Variants in UBA6 observed in about 807,000 individuals in gnomAD.
UBA6 encodes the protein ubiquitin like modifier activating enzyme 6.
In UBA6, 87 loss-of-function variants were observed where a neutral mutation model predicts 148.3. The ratio of observed to expected loss-of-function variants is 0.59; its 90% CI spans 0.49 to 0.70. The LOEUF (loss-of-function observed/expected upper bound fraction) is 0.70. Ranked by LOEUF, UBA6 falls within the 30% of genes least tolerant of loss-of-function variation. UBA6 has a pLI of 0.00. For synonymous variants in UBA6, 376 were observed against 401.0 expected (o/e 0.94, Z 0.75); for missense variants, 1,186 against 1,241.2 (o/e 0.96, Z 0.67).
intron 30 of UBA6, 76 bp from the exon 31 acceptor site, chr4:67,623,298 C>T (rs1030015885): frequency 9.0e-5 from 90 of 1,001,218 alleles, no homozygotes; most frequent in Non-Finnish European, 1.2e-4. Flanking sequence ...ACAAAAAAAA[C>T]CCACTTTCAG....
chr4:67,625,087 G>A lies in UBA6; in HGVS notation c.2619C>T (p.Tyr873=), dbSNP rs1577787856. ...TGAAACGGTCAGCTGGTTCAATGCT[G>A]TACATTTTGGCACGAAGATTTGATG... ...TAASNLRAKM[Y]SIEPADRFKT... The change falls in exon 29 of 33, where the codon TAC becomes TAT. Residue 873 remains tyrosine, a synonymous_variant. Coordinates refer to ENST00000322244, the MANE Select transcript of UBA6 (RefSeq NM_018227.6). 1 of 1,613,414 alleles carries A rather than the reference G, an allele frequency of 6.2e-7. No individual in the cohort carries two copies. Among genetic ancestry groups the A allele is most frequent in the Non-Finnish European group, 8.5e-7 (1 of 1,179,516 alleles).
At chr4:67,637,850 C>G (rs1335925207) in intron 19 of UBA6, among the ~76,000 whole-genome samples, 1 of 151,922 alleles carries the variant, frequency 6.6e-6, no homozygotes, top group Admixed American at 6.6e-5. Context: ...CCTTTGTTCA[C>G]TTGTTTATCT....
rs958372500 is a variant in UBA6, at chr4:67,617,439, C to A, written c.*1558G>T. ...AGGATATGTGAACAAAATTTAATTT[C>A]TTTTTTCCAAAGGTAGTCATTTTCT... On this transcript the variant is annotated 3_prime_UTR_variant, in exon 33 of 33. Transcript: ENST00000322244. 1 of 151,984 alleles carries A rather than the reference C, an allele frequency of 6.6e-6. No homozygotes were observed. Among genetic ancestry groups the A allele is most frequent in the Non-Finnish European group, 1.5e-5 (1 of 67,904 alleles). The allele number at this position is 151,984 out of a possible 1,614,324, so 9.4% of individuals were successfully genotyped here.
chr4:67,664,934 C>T (rs1263182467), intron 10 of UBA6, among the ~76,000 whole-genome samples: 5 of 152,006 alleles, frequency 3.3e-5, no homozygotes, highest in African/African-American at 1.2e-4. Flanking sequence ...TTCGGGTATA[C>T]CCATTTAGCT....
intron 17 of UBA6, 80 bp downstream of exon 17, chr4:67,644,618 A>G: frequency 1.3e-6 from 1 of 786,310 alleles, no homozygotes; most frequent in Non-Finnish European, 2.2e-6. Context: ...CTGATACTTC[A>G]GATTTATGCA....
intron 17 of UBA6, among the ~76,000 whole-genome samples, chr4:67,643,228 T>A (rs1729348311): frequency 6.6e-6 from 1 of 151,878 alleles, no homozygotes; most frequent in Non-Finnish European, 1.5e-5. Flanking sequence ...TTAAAAAAAA[T>A]TCTATTATTG....
rs1162825058 is a variant in UBA6 at position 67,617,185 on chromosome 4, G to T, written c.*1812C>A. 5 of 152,064 alleles carry T rather than the reference G, an allele frequency of 3.3e-5. No homozygotes were observed. Among genetic ancestry groups the T allele is most frequent in the Non-Finnish European group, 5.9e-5 (4 of 67,954 alleles). 9.4% of individuals were successfully genotyped at this position (152,064 alleles called of 1,614,324 possible). On this transcript the variant is annotated 3_prime_UTR_variant, in exon 33 of 33. Transcript: ENST00000322244. ...CGAGACTTCAATAAAATATAAGCAA[G>T]TTACTGGATCATATTTATGGACTGC...
intron 13 of UBA6, among the ~76,000 whole-genome samples, chr4:67,661,048 C>T (rs1456212226): frequency 1.3e-5 from 2 of 152,152 alleles, no homozygotes; most frequent in African/African-American, 4.8e-5. Flanking sequence ...AAGCATTTAT[C>T]TAATGTCTGT....
intron 7 of UBA6, among the ~76,000 whole-genome samples, chr4:67,673,091 A>C (rs938046180): frequency 6.6e-6 from 1 of 152,198 alleles, no homozygotes; most frequent in Admixed American, 6.5e-5. Context: ...AACTGTCTCC[A>C]ATACATAGAT....
rs763483666 is a variant in UBA6, at chr4:67,629,151, A to T, written c.2329-9T>A. ...GCATCTGCTGATAAGTCCTGTTTTT[A>T]AAAAAGTAATTTTACCAACAAACAT... is the stretch of plus-strand genomic sequence containing the variant. On this transcript the variant is annotated splice_polypyrimidine_tract_variant and intron_variant, in intron 26 of 32. Coordinates refer to ENST00000322244, the MANE Select transcript of UBA6 (RefSeq NM_018227.6). 6.3e-7 allele frequency: 1 copy of T among 1,583,442 alleles called. No homozygotes were observed. The highest frequency in any genetic ancestry group is 1.7e-5 in the Admixed American group (1 of 59,722).
chr4:67,696,626 G>A lies in UBA6; in HGVS notation c.134+19C>T. Reference sequence around the variant, plus strand: ...CAATTAATGGGGAAAATAAGTTTCAGTTTCTATGAGATTCTTACCTATACA... The same window carrying A: ...CAATTAATGGGGAAAATAAGTTTCAATTTCTATGAGATTCTTACCTATACA... On this transcript the variant is annotated intron_variant, in intron 2 of 32. Coordinates refer to ENST00000322244, the MANE Select transcript of UBA6 (RefSeq NM_018227.6). The A allele has an allele frequency of 6.4e-7, 1 of 1,573,064 alleles. No homozygotes were observed. Among genetic ancestry groups the A allele is most frequent in the East Asian group, 2.3e-5 (1 of 44,140 alleles).
intron 14 of UBA6, among the ~76,000 whole-genome samples, chr4:67,647,887 C>T (rs981840184): frequency 1.7e-4 from 26 of 151,058 alleles, no homozygotes; most frequent in African/African-American, 5.8e-4. Flanking sequence ...GATTCTCCTG[C>T]CTCAGCCTCC....
At chr4:67,673,086 T>C (rs537544750) in intron 7 of UBA6, among the ~76,000 whole-genome samples, 148 of 152,266 alleles carry the variant, frequency 9.7e-4, no homozygotes, top group African/African-American at 3.4e-3. Context: ...GCTATAACTG[T>C]CTCCAATACA....
intron 6 of UBA6, 112 bp from the exon 7 acceptor site, chr4:67,673,889 C>T: frequency 1.7e-6 from 1 of 583,632 alleles, no homozygotes; most frequent in Non-Finnish European, 2.9e-6. Context: ...TCGCTAATCT[C>T]ATTGAAAAGT....
At position 67,672,289 on chromosome 4, in the gene UBA6, T is replaced by C. The variant is rs148582791; in HGVS notation, c.546+1408A>G. Among the ~76,000 whole-genome samples the C allele has an allele frequency of 7.2e-5, 11 of 152,316 alleles. No homozygotes were observed. The East Asian group carries it at 1.9e-3, about 27-fold the overall frequency. ...GAGAGAAATTTAAATCACAAGAATA[T>C]ACATATTCCATTGTCAGAGCAAGGA... On this transcript the variant is annotated intron_variant, in intron 7 of 32. Coordinates refer to ENST00000322244, the MANE Select transcript of UBA6 (RefSeq NM_018227.6).
chr4:67,692,923 C>T (rs1447451282), intron 2 of UBA6, among the ~76,000 whole-genome samples: 1 of 152,160 alleles, frequency 6.6e-6, no homozygotes, highest in African/African-American at 2.4e-5. Flanking sequence ...TCCGACGATT[C>T]AAGATTGCAT....
At chr4:67,699,377 T>C (rs1305653552) in intron 1 of UBA6, among the ~76,000 whole-genome samples, 1 of 152,156 alleles carries the variant, frequency 6.6e-6, no homozygotes, top group Non-Finnish European at 1.5e-5. Context: ...TAAACAAAGG[T>C]AATTAAAATG....
At chr4:67,678,606 A>C in intron 4 of UBA6, 73 bp from the exon 5 acceptor site, 3 of 665,588 alleles carry the variant, frequency 4.5e-6, no homozygotes, top group Non-Finnish European at 5.1e-6. Context: ...ATTACTGACA[A>C]TGTACTAGAA....
chr4:67,631,900 C>G lies in UBA6; in HGVS notation c.2151G>C (p.Gln717His). The change falls in exon 24 of 33, where the codon CAG becomes CAC. Residue 717 changes from glutamine to histidine, a missense_variant. Gln to His is a conservative substitution (Grantham distance 24). Transcript: ENST00000322244. ...TGTCCAGAGGGAAACAGTGAAGAAG[C>G]TGAAGAGCCTAAAGAAAAAAAATGA... ...FEKYFNHKALQLLHCFPLDIR... is the reference protein window; with the variant it reads ...FEKYFNHKALHLLHCFPLDIR... 1 of 1,610,942 alleles carries G rather than the reference C, an allele frequency of 6.2e-7. No homozygotes were observed. Among genetic ancestry groups the G allele is most frequent in the East Asian group, 2.2e-5 (1 of 44,752 alleles).
Sources: gnomAD v4.1 joint callset for allele counts (sites outside exome capture counted in the v4.1 genomes callset) on GRCh38, gnomAD v4.1.1 for gene constraint, MANE v1.5 for transcripts, NCBI Gene and HGNC (gene_info 2026-07-23, HGNC 2026-07-21) for gene names.